NSDHL: variants seen among roughly 807,000 people sequenced by gnomAD.
NSDHL encodes the protein sterol-4-alpha-carboxylate 3-dehydrogenase, decarboxylating.
A neutral mutation model predicts 23.0 loss-of-function variants in NSDHL; 1 was observed. The ratio of observed to expected loss-of-function variants is 0.04; its 90% CI spans 0.02 to 0.21. The LOEUF (loss-of-function observed/expected upper bound fraction) is 0.21, where lower values mean the gene tolerates loss of function less well. Among genes scored for constraint, NSDHL ranks in the 10% least tolerant of loss-of-function variants. The probability of loss-of-function intolerance (pLI) is 1.00; values close to 1 mark genes in which losing one functional copy is unlikely to be tolerated. For synonymous variants in NSDHL, 128 were observed against 121.1 expected (o/e 1.06, Z -0.37); for missense variants, 237 against 300.9 (o/e 0.79, Z 1.57).
chrX:152,838,082 A>G (rs1335989466), intron 1 of NSDHL, among the ~76,000 whole-genome samples: 3 of 111,985 alleles, frequency 2.7e-5, no homozygotes, highest in Non-Finnish European at 5.6e-5. Context: ...GTTTATTTGC[A>G]TAGAAGTGTT....
chrX:152,847,854 A>G (rs1232875579), intron 2 of NSDHL, among the ~76,000 whole-genome samples: 2 of 109,417 alleles, frequency 1.8e-5, no homozygotes, highest in Admixed American at 2.0e-4. Context: ...AGTTTGCCTA[A>G]ATGGTTTTTT....
At chrX:152,837,724 C>T (rs1213994912) in intron 1 of NSDHL, among the ~76,000 whole-genome samples, 2 of 111,785 alleles carry the variant, frequency 1.8e-5, no homozygotes, top group Non-Finnish European at 3.8e-5. Flanking sequence ...ATTTTTGCAT[C>T]GATGTTCATC....
At chrX:152,836,845 C>T (rs1240000856) in intron 1 of NSDHL, among the ~76,000 whole-genome samples, 7 of 112,134 alleles carry the variant, frequency 6.2e-5, no homozygotes, top group Non-Finnish European at 9.4e-5. Flanking sequence ...TGAAGAAAGT[C>T]ATTGGTAGCT....
intron 3 of NSDHL, among the ~76,000 whole-genome samples, chrX:152,856,502 G>A (rs1438211879): frequency 1.8e-5 from 2 of 111,413 alleles, no homozygotes; most frequent in African/African-American, 6.5e-5. Context: ...AGCATGCCTA[G>A]TGCTCAGATT....
chrX:152,832,422 G>C (rs1429228166), intron 1 of NSDHL, among the ~76,000 whole-genome samples: 1 of 111,910 alleles, frequency 8.9e-6, no homozygotes. Flanking sequence ...GCACATATTA[G>C]ACAACTGATG....
intron 7 of NSDHL, among the ~76,000 whole-genome samples, chrX:152,868,498 G>A (rs1246475031): frequency 8.9e-6 from 1 of 112,288 alleles, no homozygotes; most frequent in African/African-American, 3.2e-5. Flanking sequence ...GGAATTCATT[G>A]CATCCAAAGA....
intron 7 of NSDHL, 143 bp downstream of exon 7, chrX:152,867,816 C>A (rs897429904): frequency 6.8e-5 from 35 of 513,605 alleles, no homozygotes; most frequent in Non-Finnish European, 1.1e-4. Flanking sequence ...GATCAAGCCC[C>A]TCTGATAGAG....
chrX:152,855,517 A>G (rs1329683574), intron 3 of NSDHL, among the ~76,000 whole-genome samples: 1 of 112,138 alleles, frequency 8.9e-6, no homozygotes, highest in African/African-American at 3.2e-5. Flanking sequence ...AGGCCTGTGC[A>G]ATCTGAAGAT....
chrX:152,839,397 C>T (rs1556844610), intron 1 of NSDHL, among the ~76,000 whole-genome samples: 1 of 112,178 alleles, frequency 8.9e-6, no homozygotes, highest in Admixed American at 9.4e-5. Context: ...CTAGCATTGA[C>T]AGTCTTTACA....
rs1444634707 is a variant in NSDHL, at chrX:152,866,585, C to T, written c.686+624C>T. ...GGAGGTTCGCAGGGAGCGTCTGTTC[C>T]AGGCCTCTGCCCTAGCTTCTGCTGG... On this transcript the variant is annotated intron_variant, in intron 6 of 7. Coordinates refer to ENST00000370274, the MANE Select transcript of NSDHL (RefSeq NM_015922.3). Among the ~76,000 whole-genome samples the T allele has an allele frequency of 8.0e-5, 9 of 113,013 alleles. No individual in the cohort carries two copies. The Admixed American group carries it at 8.4e-4, about 11-fold the overall frequency.
chrX:152,841,072 A>G (rs1014852710), intron 1 of NSDHL, among the ~76,000 whole-genome samples: 13 of 112,936 alleles, frequency 1.2e-4, no homozygotes, highest in Admixed American at 9.3e-5. Context: ...CTGCTGCACT[A>G]GCAGTGAGCA....
rs1375729262 is a variant in NSDHL at position 152,846,891 on chromosome X, C to T, written c.108+459C>T. Among the ~76,000 whole-genome samples the T allele has an allele frequency of 5.3e-5, 6 of 112,445 alleles. No homozygotes were observed. In the East Asian group the frequency reaches 1.7e-3, roughly 31 times the overall value. ...GCCTAAGATTTAGTGTCGCAAGTCT[C>T]AGTCTGAGAGAGGACTTGAAGAAAT... On this transcript the variant is annotated intron_variant, in intron 2 of 7. Coordinates refer to ENST00000370274, the MANE Select transcript of NSDHL (RefSeq NM_015922.3).
chrX:152,851,473 C>T, intron 3 of NSDHL, among the ~76,000 whole-genome samples: 1 of 111,625 alleles, frequency 9.0e-6, no homozygotes, highest in Non-Finnish European at 1.9e-5. Flanking sequence ...TTCCCTCAGC[C>T]TGTCACTGGG....
At chrX:152,868,039 C>G (rs1933636816) in intron 7 of NSDHL, among the ~76,000 whole-genome samples, 1 of 111,283 alleles carries the variant, frequency 9.0e-6, no homozygotes, top group South Asian at 3.8e-4. Context: ...AGGTCTCTCC[C>G]TCCCTTGCTG....
At chrX:152,868,296 C>G (rs1933642910) in intron 7 of NSDHL, among the ~76,000 whole-genome samples, 1 of 110,550 alleles carries the variant, frequency 9.0e-6, no homozygotes, top group African/African-American at 3.3e-5. Flanking sequence ...TGCCACCACG[C>G]TCAGCTAATT....
Position 152,850,247 on chromosome X carries a change from G to A in NSDHL, c.109-18G>A, listed in dbSNP as rs371696923. The A allele has an allele frequency of 6.0e-5, 72 of 1,208,223 alleles. No homozygotes were observed. The highest frequency in any genetic ancestry group is 7.0e-5 in the South Asian group (4 of 56,791). On this transcript the variant is annotated intron_variant, in intron 2 of 7. Coordinates refer to ENST00000370274, the MANE Select transcript of NSDHL (RefSeq NM_015922.3). ...CCTCACTACCCTGGTCTTCCCCACCGTTCCTCTCTTTCCACAGGCCAAGAG... is the reference window on the plus strand; with the variant it reads ...CCTCACTACCCTGGTCTTCCCCACCATTCCTCTCTTTCCACAGGCCAAGAG...
chrX:152,868,850 C>T lies in NSDHL; in HGVS notation c.856C>T (p.Leu286Phe). 2 of 1,211,365 alleles carry T rather than the reference C, an allele frequency of 1.7e-6. No individual in the cohort carries two copies. The highest frequency in any genetic ancestry group is 2.2e-6 in the Non-Finnish European group (2 of 894,975). Residue 286 changes from leucine to phenylalanine, a missense_variant, in exon 8 of 8, where the codon CTC (leucine) becomes TTC (phenylalanine). Transcript: ENST00000370274. ...ATTCCTGTCTCGCATCCTGACAGGC[C>T]TCAATTATGAGGCCCCCAAGTACCA... ...WTFLSRILTG[L>F]NYEAPKYHIP... is the part of the protein sequence containing the mutation.
intron 1 of NSDHL, among the ~76,000 whole-genome samples, chrX:152,835,664 G>A: frequency 8.9e-6 from 1 of 111,733 alleles, no homozygotes; most frequent in Non-Finnish European, 1.9e-5. Flanking sequence ...ATTCCATGGT[G>A]TATATGTGCC....
chrX:152,841,007 G>A (rs1933182165), intron 1 of NSDHL, among the ~76,000 whole-genome samples: 1 of 112,931 alleles, frequency 8.9e-6, no homozygotes, highest in African/African-American at 3.2e-5. Context: ...TCAAGCCTCA[G>A]CAATGGCGGA....
Sources: gnomAD v4.1 joint callset for allele counts (sites outside exome capture counted in the v4.1 genomes callset) on GRCh38, gnomAD v4.1.1 for gene constraint, MANE v1.5 for transcripts, NCBI Gene and HGNC (gene_info 2026-07-23, HGNC 2026-07-21) for gene names.